Variants in CDH12 observed in about 807,000 individuals in gnomAD.
CDH12 encodes cadherin 12.
A neutral mutation model predicts 74.1 loss-of-function variants in CDH12; 41 were observed. The ratio of observed to expected loss-of-function variants is 0.55; its 90% CI spans 0.43 to 0.72. The LOEUF (loss-of-function observed/expected upper bound fraction) is 0.72, where lower values mean the gene tolerates loss of function less well. Ranked by LOEUF, CDH12 falls within the 30% of genes least tolerant of loss-of-function variation. The pLI is 0.00. For synonymous variants in CDH12, 399 were observed against 355.0 expected (o/e 1.12, Z -1.39); for missense variants, 945 against 977.2 (o/e 0.97, Z 0.44).
At chr5:22,833,056 A>G (rs956598091) in intron 1 of CDH12, among the ~76,000 whole-genome samples, 1 of 152,180 alleles carries the variant, frequency 6.6e-6, no homozygotes, top group African/African-American at 2.4e-5. Flanking sequence ...TAAGTTTTGC[A>G]TGCCTAACTT....
intron 1 of CDH12, among the ~76,000 whole-genome samples, chr5:22,590,672 C>G (rs1740654030): frequency 6.6e-6 from 1 of 152,116 alleles, no homozygotes; most frequent in African/African-American, 2.4e-5. Context: ...AATTAAATTA[C>G]TGTTGTCTTA....
chr5:22,545,003 C>G (rs1012102327), intron 1 of CDH12, among the ~76,000 whole-genome samples: 2 of 152,102 alleles, frequency 1.3e-5, no homozygotes, highest in Non-Finnish European at 2.9e-5. Flanking sequence ...TCTACTCACA[C>G]ACGTACACAT....
chr5:22,661,142 A>G (rs1234493686), intron 1 of CDH12, among the ~76,000 whole-genome samples: 1 of 152,218 alleles, frequency 6.6e-6, no homozygotes, highest in Non-Finnish European at 1.5e-5. Context: ...ACAAATAGAA[A>G]GCTAATGAGA....
chr5:22,517,221 A>C (rs1311594998), intron 1 of CDH12, among the ~76,000 whole-genome samples: 1 of 152,084 alleles, frequency 6.6e-6, no homozygotes, highest in East Asian at 1.9e-4. Flanking sequence ...GGAAATGTTT[A>C]TTTTAAAATG....
chr5:22,455,307 C>T (rs1272771941), intron 2 of CDH12, among the ~76,000 whole-genome samples: 2 of 152,132 alleles, frequency 1.3e-5, no homozygotes, highest in East Asian at 3.9e-4. Context: ...AAAAATAAAA[C>T]ATCTGGATAA....
At chr5:22,671,998 G>A (rs536034358) in intron 1 of CDH12, among the ~76,000 whole-genome samples, 71 of 136,004 alleles carry the variant, frequency 5.2e-4, no homozygotes, top group African/African-American at 1.9e-3. Context: ...CATCTTTACT[G>A]AAGCATTTAT....
Position 22,781,787 on chromosome 5 carries a change from A to T in CDH12, c.-523+71271T>A, listed in dbSNP as rs139107621. 1.6e-3 allele frequency among the ~76,000 whole-genome samples: 240 copies of T among 152,260 alleles called. 4 individuals carry two copies. In the East Asian group the frequency reaches 0.043, roughly 27 times the overall value. On this transcript the variant is annotated intron_variant, in intron 1 of 14. Coordinates refer to ENST00000382254, the MANE Select transcript of CDH12 (RefSeq NM_004061.5). The stretch of plus-strand genomic sequence containing the variant: ...TAGGGATACTATTGAATAGCAGACA[A>T]GGGATTGGAGGAAATGGTAAAGATA...
chr5:22,003,419 T>G (rs1736724523), intron 5 of CDH12, among the ~76,000 whole-genome samples: 1 of 151,832 alleles, frequency 6.6e-6, no homozygotes, highest in African/African-American at 2.4e-5. Flanking sequence ...AATATTACAT[T>G]TATAGATGCA....
chr5:22,177,671 G>C (rs371989899), intron 4 of CDH12, among the ~76,000 whole-genome samples: 10,278 of 152,012 alleles, frequency 0.068, 454 homozygotes, highest in South Asian at 0.15. Context: ...TGCTATTCTA[G>C]AGCAACCTCT....
At chr5:21,849,423 G>T (rs898993799) in intron 7 of CDH12, among the ~76,000 whole-genome samples, 1 of 151,614 alleles carries the variant, frequency 6.6e-6, no homozygotes, top group African/African-American at 2.4e-5. Flanking sequence ...TGCATTCCTG[G>T]GCATGGAATT....
At chr5:22,068,306 C>T (rs113558252) in intron 5 of CDH12, among the ~76,000 whole-genome samples, 30 of 152,292 alleles carry the variant, frequency 2.0e-4, no homozygotes, top group African/African-American at 6.7e-4. Flanking sequence ...GGCCTCATCA[C>T]GTGCTCCCTA....
intron 4 of CDH12, among the ~76,000 whole-genome samples, chr5:22,114,657 A>T (rs891734408): frequency 3.3e-5 from 5 of 152,148 alleles, no homozygotes; most frequent in Non-Finnish European, 7.4e-5. Flanking sequence ...TTCTTCTTAT[A>T]TTGTTGCTTA....
At chr5:22,572,579 G>A (rs1337845968) in intron 1 of CDH12, among the ~76,000 whole-genome samples, 1 of 151,596 alleles carries the variant, frequency 6.6e-6, no homozygotes, top group African/African-American at 2.4e-5. Context: ...TTTTAAAACT[G>A]TCTAAAAAGC....
chr5:22,195,735 G>A (rs1462315792), intron 4 of CDH12, among the ~76,000 whole-genome samples: 4 of 152,066 alleles, frequency 2.6e-5, no homozygotes, highest in Admixed American at 2.6e-4. Flanking sequence ...TATTTCTTAT[G>A]GGGATTTCTC....
intron 1 of CDH12, among the ~76,000 whole-genome samples, chr5:22,756,824 G>A (rs1320740883): frequency 6.6e-6 from 1 of 152,044 alleles, no homozygotes; most frequent in East Asian, 1.9e-4. Flanking sequence ...GCCAGGCGTG[G>A]TGGCAGATGC....
intron 6 of CDH12, among the ~76,000 whole-genome samples, chr5:21,894,403 AAG>A (rs1753031743): frequency 2.6e-5 from 4 of 151,170 alleles, no homozygotes; most frequent in African/African-American, 9.7e-5. Flanking sequence ...AAAAAAAAAA[AAG>A]AAAGCATAAA....
chr5:22,612,304 G>A (rs1331917599), intron 1 of CDH12, among the ~76,000 whole-genome samples: 1 of 152,066 alleles, frequency 6.6e-6, no homozygotes, highest in Non-Finnish European at 1.5e-5. Flanking sequence ...CTTAGGTAGT[G>A]TAAACATGTG....
chr5:21,919,613 G>C (rs1754261504), intron 6 of CDH12, among the ~76,000 whole-genome samples: 1 of 152,018 alleles, frequency 6.6e-6, no homozygotes, highest in Admixed American at 6.6e-5. Context: ...TATTTATTCT[G>C]ACCATTAGAT....
At chr5:21,947,573 T>C (rs1482562889) in intron 6 of CDH12, among the ~76,000 whole-genome samples, 1 of 152,142 alleles carries the variant, frequency 6.6e-6, no homozygotes, top group East Asian at 1.9e-4. Context: ...TTATCTCAAA[T>C]TGGAACTTAT....
Sources: gnomAD v4.1 joint callset for allele counts (sites outside exome capture counted in the v4.1 genomes callset) on GRCh38, gnomAD v4.1.1 for gene constraint, MANE v1.5 for transcripts, NCBI Gene and HGNC (gene_info 2026-07-23, HGNC 2026-07-21) for gene names.